Variants in CA10 observed in about 807,000 individuals in gnomAD.
The protein encoded by CA10 is carbonic anhydrase-related protein 10.
Under a neutral mutation model 44.2 loss-of-function variants are expected in CA10, and 14 were observed. The observed-to-expected ratio is 0.32, with a 90% CI of 0.21 to 0.50. The LOEUF is 0.50. Ranked by LOEUF, CA10 falls within the 20% of genes least tolerant of loss-of-function variation. CA10 has a pLI of 0.99. For synonymous variants in CA10, 159 were observed against 141.6 expected, an observed-to-expected ratio of 1.12 and a Z score of -0.87; for missense variants, 350 against 409.7, an observed-to-expected ratio of 0.85 and a Z score of 1.26.
intron 4 of CA10, among the ~76,000 whole-genome samples, chr17:51,739,715 G>C (rs1028506454): frequency 1.3e-5 from 2 of 152,080 alleles, no homozygotes; most frequent in African/African-American, 2.4e-5. Flanking sequence ...ATGTCCAGAG[G>C]GAGAACTTCC....
chr17:51,774,002 C>T (rs1905710745), intron 3 of CA10, among the ~76,000 whole-genome samples: 1 of 152,200 alleles, frequency 6.6e-6, no homozygotes, highest in South Asian at 2.1e-4. Context: ...TTTCAAAGCA[C>T]AGACTCTTCT....
Position 52,100,883 on chromosome 17 carries a change from T to C in CA10, c.62-28490A>G, listed in dbSNP as rs146984642. ...GTCTTTCTTGTACTGTATTATAGCT[T>C]TGGTAGGCTTTTTGGAGGAAATAAT... On this transcript the variant is annotated intron_variant, in intron 1 of 8. Transcript: ENST00000451037. Among the ~76,000 whole-genome samples the C allele has an allele frequency of 4.0e-3, 611 of 152,322 alleles. 3 individuals carry two copies. Among genetic ancestry groups the C allele is most frequent in the African/African-American group, 0.014 (578 of 41,576 alleles).
chr17:52,036,895 A>T (rs1007267882), intron 2 of CA10, among the ~76,000 whole-genome samples: 8 of 152,174 alleles, frequency 5.3e-5, no homozygotes, highest in African/African-American at 1.7e-4. Flanking sequence ...TTAATGAACT[A>T]AAGTATGAGG....
intron 1 of CA10, among the ~76,000 whole-genome samples, chr17:52,115,837 T>C (rs75919030): frequency 0.26 from 39,140 of 152,194 alleles, 5,295 homozygotes; most frequent in South Asian, 0.38. Context: ...CTCACGCCTG[T>C]AATTCCAGCA....
intron 1 of CA10, among the ~76,000 whole-genome samples, chr17:52,124,185 C>G (rs1989071323): frequency 6.6e-6 from 1 of 152,218 alleles, no homozygotes; most frequent in Admixed American, 6.5e-5. Flanking sequence ...CTGCATTTAT[C>G]CTCTCTCCTT....
At chr17:52,084,037 A>T (rs545455804) in intron 1 of CA10, among the ~76,000 whole-genome samples, 2 of 152,320 alleles carry the variant, frequency 1.3e-5, no homozygotes, top group South Asian at 4.1e-4. Flanking sequence ...TGACTGAAAA[A>T]AGACTTAAAG....
At chr17:51,740,786 G>C (rs1056638735) in intron 4 of CA10, among the ~76,000 whole-genome samples, 1 of 152,016 alleles carries the variant, frequency 6.6e-6, no homozygotes, top group African/African-American at 2.4e-5. Context: ...GCCTCTGCCT[G>C]GAATGTCCTT....
intron 2 of CA10, among the ~76,000 whole-genome samples, chr17:51,943,382 C>T (rs1464603983): frequency 1.3e-5 from 2 of 152,194 alleles, no homozygotes; most frequent in African/African-American, 4.8e-5. Context: ...GACCTAATTA[C>T]AGGGCCTGGG....
At chr17:51,781,570 C>T (rs1035405294) in intron 3 of CA10, among the ~76,000 whole-genome samples, 7 of 152,180 alleles carry the variant, frequency 4.6e-5, no homozygotes, top group Non-Finnish European at 8.8e-5. Context: ...TCTACTTGTT[C>T]ATTTCCTCCA....
chr17:51,988,138 G>C (rs530286808), intron 2 of CA10, among the ~76,000 whole-genome samples: 13 of 152,162 alleles, frequency 8.5e-5, no homozygotes, highest in Non-Finnish European at 1.8e-4. Context: ...AAGTTGTATA[G>C]TTGTATTTGA....
At chr17:52,021,665 A>T (rs9902894) in intron 2 of CA10, among the ~76,000 whole-genome samples, 1,924 of 151,902 alleles carry the variant, frequency 0.013, 35 homozygotes, top group African/African-American at 0.044. Flanking sequence ...AGCTAGATTA[A>T]CAAAGGAAAA....
chr17:51,663,579 A>G (rs1049260887), intron 4 of CA10, among the ~76,000 whole-genome samples: 2 of 152,210 alleles, frequency 1.3e-5, no homozygotes, highest in African/African-American at 4.8e-5. Flanking sequence ...TGTGATGACA[A>G]CATAACCACT....
intron 2 of CA10, among the ~76,000 whole-genome samples, chr17:51,996,501 T>A (rs1985241257): frequency 6.6e-6 from 1 of 151,916 alleles, no homozygotes; most frequent in African/African-American, 2.4e-5. Flanking sequence ...AAGTTCAATC[T>A]CCTCGACATG....
intron 5 of CA10, among the ~76,000 whole-genome samples, chr17:51,650,099 C>A (rs1913507535): frequency 6.6e-6 from 1 of 152,100 alleles, no homozygotes; most frequent in South Asian, 2.1e-4. Context: ...TATGCCTATG[C>A]CCTTATAGCT....
intron 3 of CA10, among the ~76,000 whole-genome samples, chr17:51,917,148 T>C (rs1296946003): frequency 6.6e-6 from 1 of 152,224 alleles, no homozygotes; most frequent in Non-Finnish European, 1.5e-5. Flanking sequence ...GGGGCTTATA[T>C]GTAGCATTTG....
chr17:51,656,096 G>T (rs1476860446), intron 4 of CA10, among the ~76,000 whole-genome samples: 1 of 152,170 alleles, frequency 6.6e-6, no homozygotes, highest in Non-Finnish European at 1.5e-5. Flanking sequence ...AGCTTCTAAT[G>T]AGAACAAAAC....
At chr17:51,805,527 G>C (rs1907095810) in intron 3 of CA10, among the ~76,000 whole-genome samples, 1 of 152,184 alleles carries the variant, frequency 6.6e-6, no homozygotes, top group Non-Finnish European at 1.5e-5. Flanking sequence ...CCCATTCTCA[G>C]ATCAATCAAA....
intron 3 of CA10, among the ~76,000 whole-genome samples, chr17:51,800,978 AT>A (rs1407503396): frequency 1.3e-5 from 2 of 152,050 alleles, no homozygotes; most frequent in African/African-American, 4.8e-5. Flanking sequence ...TTACAGCTCT[AT>A]CCTAGGAGTG....
At chr17:51,833,109 C>G (rs1194867955) in intron 3 of CA10, among the ~76,000 whole-genome samples, 2 of 152,162 alleles carry the variant, frequency 1.3e-5, no homozygotes, top group Non-Finnish European at 2.9e-5. Flanking sequence ...GAACCAAACA[C>G]AGGTGTAGAT....
Sources: gnomAD v4.1 joint callset for allele counts (sites outside exome capture counted in the v4.1 genomes callset) on GRCh38, gnomAD v4.1.1 for gene constraint, MANE v1.5 for transcripts, NCBI Gene and HGNC (gene_info 2026-07-23, HGNC 2026-07-21) for gene names.